Variants in FGD4 observed in about 807,000 individuals in gnomAD.
The protein encoded by FGD4 is FYVE, RhoGEF and PH domain containing 4.
Under a neutral mutation model 102.0 loss-of-function variants are expected in FGD4, and 42 were observed. That is an observed-to-expected ratio of 0.41 (90% CI 0.32 to 0.53). The LOEUF (loss-of-function observed/expected upper bound fraction) is 0.53. FGD4 is among the 20% of genes least tolerant of loss of function. The probability of loss-of-function intolerance (pLI) is 0.21; values close to 1 mark genes in which losing one functional copy is unlikely to be tolerated. For synonymous variants in FGD4, 380 were observed against 375.7 expected (o/e 1.01, Z -0.13); for missense variants, 902 against 1,078.2 (o/e 0.84, Z 2.29).
chr12:32,499,057 AAGG>A (rs1322895087), intron 1 of FGD4, among the ~76,000 whole-genome samples: 4 of 152,242 alleles, frequency 2.6e-5, no homozygotes, highest in Admixed American at 6.5e-5. Flanking sequence ...AGGAAAGAGA[AAGG>A]AGGAGTAACG....
intron 7 of FGD4, among the ~76,000 whole-genome samples, chr12:32,604,814 C>G (rs891207784): frequency 4.6e-5 from 7 of 152,176 alleles, no homozygotes; most frequent in Non-Finnish European, 8.8e-5. Flanking sequence ...CAGATTCTCA[C>G]CGTTCTTACC....
At chr12:32,425,162 A>G (rs530428392) in intron 1 of FGD4, among the ~76,000 whole-genome samples, 2 of 152,274 alleles carry the variant, frequency 1.3e-5, no homozygotes, top group Admixed American at 6.5e-5. Flanking sequence ...TATGTCCTGA[A>G]TGGTATTGCT....
chr12:32,410,173 A>G (rs1294845874), intron 1 of FGD4, among the ~76,000 whole-genome samples: 1 of 152,094 alleles, frequency 6.6e-6, no homozygotes, highest in African/African-American at 2.4e-5. Flanking sequence ...CTAAAAATAC[A>G]AAAAATTAGC....
intron 1 of FGD4, among the ~76,000 whole-genome samples, chr12:32,436,485 C>A (rs879684143): frequency 3.3e-5 from 5 of 152,342 alleles, no homozygotes; most frequent in Admixed American, 2.6e-4. Flanking sequence ...ACAGTGTCCA[C>A]ACATTGGCAA....
chr12:32,632,689 T>TTTTATTTATTTATTTA (rs1224159384), intron 14 of FGD4, among the ~76,000 whole-genome samples: 2 of 146,488 alleles, frequency 1.4e-5, no homozygotes, highest in African/African-American at 2.6e-5. Flanking sequence ...TTATTTTTAT[T>TTTTATTTATTTATTTA]TTTATTTATT....
At chr12:32,472,155 T>A (rs1198274237) in intron 1 of FGD4, among the ~76,000 whole-genome samples, 2 of 152,308 alleles carry the variant, frequency 1.3e-5, no homozygotes, top group East Asian at 3.9e-4. Context: ...TCGCTTGCTC[T>A]CGGCACCTCC....
chr12:32,447,247 TA>T (rs1942645359), intron 1 of FGD4, among the ~76,000 whole-genome samples: 1 of 152,174 alleles, frequency 6.6e-6, no homozygotes, highest in South Asian at 2.1e-4. Context: ...GGGGAGTCAT[TA>T]GGCTGAAAAT....
rs1452526148 is a variant in FGD4 at position 32,581,989 on chromosome 12, A to C, written c.533A>C (p.Lys178Thr). 1.9e-6 allele frequency: 3 copies of C among 1,614,164 alleles called. No individual in the cohort carries two copies. The highest frequency in any genetic ancestry group is 1.1e-5 in the South Asian group (1 of 91,080). ...SSLSNYSDLK[K>T]ESAVNLNAPR... ...TTATCAAATTATAGTGATTTGAAGA[A>C]AGAGTCTGCTGTGAACCTAAATGCT... Residue 178 changes from lysine (K) to threonine (T), a missense_variant, in exon 4 of 17, where the codon AAA becomes ACA. Lys to Thr is a moderately conservative substitution (Grantham distance 78). Coordinates refer to ENST00000534526, the MANE Select transcript of FGD4 (RefSeq NM_001370298.3).
chr12:32,504,485 G>A (rs1432522839), intron 1 of FGD4, among the ~76,000 whole-genome samples: 7 of 152,140 alleles, frequency 4.6e-5, no homozygotes, highest in African/African-American at 1.7e-4. Flanking sequence ...TACTGAATTC[G>A]CGTGTCCACT....
chr12:32,633,746 C>A (rs766034739), intron 15 of FGD4, 57 bp downstream of exon 15: 1 of 1,469,850 alleles, frequency 6.8e-7, no homozygotes, highest in Non-Finnish European at 9.3e-7. Flanking sequence ...AACGGACTCT[C>A]GCTCTGTCAC....
chr12:32,617,518 C>T (rs1334021648), intron 10 of FGD4, among the ~76,000 whole-genome samples: 1 of 152,130 alleles, frequency 6.6e-6, no homozygotes, highest in African/African-American at 2.4e-5. Flanking sequence ...TCAAGAAAGA[C>T]CCTCCCTGTG....
intron 1 of FGD4, among the ~76,000 whole-genome samples, chr12:32,560,278 G>A (rs538620652): frequency 4.6e-5 from 7 of 152,170 alleles, no homozygotes; most frequent in South Asian, 2.1e-4. Context: ...ATGGTGTCTC[G>A]CTCTGTCACT....
intron 1 of FGD4, among the ~76,000 whole-genome samples, chr12:32,405,731 C>T (rs527580910): frequency 1.1e-4 from 16 of 152,122 alleles, no homozygotes; most frequent in South Asian, 2.1e-4. Context: ...GTTGAGGGAA[C>T]GGGAACTTGA....
intron 11 of FGD4, among the ~76,000 whole-genome samples, chr12:32,623,024 G>A (rs1405500017): frequency 6.6e-6 from 1 of 152,158 alleles, no homozygotes; most frequent in East Asian, 1.9e-4. Flanking sequence ...TGATTCTGAA[G>A]CTAACTGGGA....
At chr12:32,423,610 A>G (rs2136422625) in intron 1 of FGD4, among the ~76,000 whole-genome samples, 1 of 146,300 alleles carries the variant, frequency 6.8e-6, no homozygotes, top group East Asian at 2.0e-4. Context: ...AAAAAAAAAA[A>G]GAAAGAAAGT....
chr12:32,463,426 G>A (rs537104204), intron 1 of FGD4, among the ~76,000 whole-genome samples: 27 of 152,146 alleles, frequency 1.8e-4, no homozygotes, highest in Non-Finnish European at 3.8e-4. Flanking sequence ...CAACAGATTA[G>A]GTTACAGTAT....
intron 1 of FGD4, among the ~76,000 whole-genome samples, chr12:32,478,291 C>G (rs1943634244): frequency 6.6e-6 from 1 of 152,176 alleles, no homozygotes; most frequent in Admixed American, 6.5e-5. Flanking sequence ...GAGACAGAGT[C>G]TCACTCTGTT....
chr12:32,453,189 T>TTATATATA (rs1338336775), intron 1 of FGD4, among the ~76,000 whole-genome samples: 1 of 94,392 alleles, frequency 1.1e-5, no homozygotes, highest in African/African-American at 3.4e-5. Context: ...TATATATATT[T>TTATATATA]TATATATATA....
At chr12:32,624,786 T>A in intron 12 of FGD4, 190 bp from the exon 13 acceptor site, 1 of 639,360 alleles carries the variant, frequency 1.6e-6, no homozygotes, top group Non-Finnish European at 2.8e-6. Context: ...TTTTCACTTT[T>A]GTTTTTTAGT....
Sources: allele counts gnomAD v4.1 joint callset (sites outside exome capture counted in the v4.1 genomes callset), GRCh38; gene constraint gnomAD v4.1.1; transcripts MANE v1.5; gene names NCBI Gene and HGNC (gene_info 2026-07-23, HGNC 2026-07-21).